PCARE: variants seen among roughly 807,000 people sequenced by gnomAD.
PCARE encodes photoreceptor cilium actin regulator.
A neutral mutation model predicts 82.2 loss-of-function variants in PCARE; 72 were observed. That is an observed-to-expected ratio of 0.88 (90% CI 0.72 to 1.07). The LOEUF is 1.07. Among genes scored for constraint, PCARE ranks in the 50% least tolerant of loss-of-function variants. PCARE has a pLI of 0.00. For missense variants in PCARE, 1,768 were observed against 1,592.4 expected (o/e 1.11, Z -1.88); for synonymous variants, 705 against 634.8 (o/e 1.11, Z -1.66).
At position 29,073,595 on chromosome 2, in the gene PCARE, G is replaced by C. The variant is rs372323929; in HGVS notation, c.667C>G (p.Leu223Val). ...ELLQPMVSFL[L>V]LCFEEISQLL... ...TGGCTGATCTCCTCAAAGCACAGCA[G>C]CAAGAAGCTGACCATGGGCTGCAGC... The change falls in exon 1 of 2, where the codon CTG becomes GTG. Residue 223 changes from leucine to valine, a missense_variant. Physicochemically the swap from Leu to Val is conservative, Grantham distance 32. Coordinates refer to ENST00000331664, the MANE Select transcript of PCARE (RefSeq NM_001029883.3). 191 of 1,614,228 alleles carry C rather than the reference G, an allele frequency of 1.2e-4. No homozygotes were observed. The African/African-American group carries it at 2.4e-3, about 20-fold the overall frequency.
In PCARE at chr2:29,071,450, C is replaced by G. The variant is rs1040502779; in HGVS notation, c.2812G>C (p.Gly938Arg). The part of the protein sequence containing the change: ...PATSQSPEVK[G>R]GTWSQAEKAT... ...TTCTCTGCCTGACTCCAAGTCCCAC[C>G]CTTCACCTCGGGGCTTTGGCTGGTG... The change falls in exon 1 of 2, where the codon GGT becomes CGT. Residue 938 changes from glycine (G) to arginine (R), a missense_variant. Transcript: ENST00000331664. 3.7e-6 allele frequency: 6 copies of G among 1,612,868 alleles called. No individual in the cohort carries two copies. The East Asian group carries it at 1.3e-4, about 36-fold the overall frequency.
intron 1 of PCARE, among the ~76,000 whole-genome samples, chr2:29,068,522 T>G (rs1667423698): frequency 6.6e-6 from 1 of 152,220 alleles, no homozygotes; most frequent in Admixed American, 6.5e-5. Flanking sequence ...TCTTCTCTAA[T>G]AGACCTCAGA....
chr2:29,064,718 C>G lies in PCARE; in HGVS notation c.*151G>C. 1.0e-6 allele frequency: 1 copy of G among 966,826 alleles called. No individual in the cohort carries two copies. The allele number at this position is 966,826 out of a possible 1,614,324, so 59.9% of individuals were successfully genotyped here. A position where few individuals can be genotyped will look rare whatever the true frequency, so the allele number is the denominator to read the frequency against. ...AAAACGGCGATTGTTTAAAATTCAG[C>G]AGACCCACTGGGCAGTGCACCTTCC... is the stretch of plus-strand genomic sequence containing the variant. On this transcript the variant is annotated 3_prime_UTR_variant, in exon 2 of 2. Transcript: ENST00000331664.
Position 29,064,965 on chromosome 2 carries a change from A to G in PCARE, c.3771T>C (p.Cys1257=). The change falls in exon 2 of 2, where the codon TGT becomes TGC. Residue 1257 remains cysteine, a synonymous_variant. Coordinates refer to ENST00000331664, the MANE Select transcript of PCARE (RefSeq NM_001029883.3). The stretch of plus-strand genomic sequence containing the variant: ...CCGGTTGCAGCCCGTGGCCCAGCAC[A>G]CAGAACTCTGGGGGAGATGCACGCC... The part of the protein sequence containing the change: ...GTRRASPPEF[C]VLGHGLQPEP... The G allele has an allele frequency of 6.2e-7, 1 of 1,601,808 alleles. No homozygotes were observed. The highest frequency in any genetic ancestry group is 8.5e-7 in the Non-Finnish European group (1 of 1,174,490).
Position 29,073,046 on chromosome 2 carries a change from A to C in PCARE, c.1216T>G (p.Ser406Ala). Residue 406 changes from serine (S) to alanine (A), a missense_variant, in exon 1 of 2, where the codon TCA becomes GCA. Transcript: ENST00000331664. ...TWQQSPFCLG[S>A]GRPQDCLLSG... ...AGCAGGCAGTCCTGGGGTCTGCCTGAGCCCAAACAGAATGGACTTTGCTGC... is the reference window on the plus strand; with the variant it reads ...AGCAGGCAGTCCTGGGGTCTGCCTGCGCCCAAACAGAATGGACTTTGCTGC... 4.3e-6 allele frequency: 7 copies of C among 1,613,984 alleles called. No homozygotes were observed. Among genetic ancestry groups the C allele is most frequent in the Non-Finnish European group, 5.9e-6 (7 of 1,179,906 alleles).
In PCARE at chr2:29,065,027, TC is replaced by T. The variant is rs756746994; in HGVS notation, c.3708del (p.Ser1237AlafsTer77). 49 of 1,554,788 alleles carry T rather than the reference TC, an allele frequency of 3.2e-5. No individual in the cohort carries two copies. The highest frequency in any genetic ancestry group is 4.0e-5 in the Non-Finnish European group (46 of 1,149,194). On this transcript the variant is annotated frameshift_variant, in exon 2 of 2. Transcript: ENST00000331664. LOFTEE classifies it low-confidence loss of function (END_TRUNC). ...EESPKKDTEP[G>X]SSPCSPELQG... ...TGCAGTTCAGGGGAACAGGGGCTGC[TC>T]CCCGGCTCTGTGTCCTTCTTAGGGC...
rs1363217155 is a variant in PCARE, at chr2:29,074,148, TCTTTCACTTCCGCC to T, written c.100_113del (p.Gly34ArgfsTer8). The T allele has an allele frequency of 6.2e-7, 1 of 1,612,370 alleles. No homozygotes were observed. The highest frequency in any genetic ancestry group is 8.5e-7 in the Non-Finnish European group (1 of 1,178,670). On this transcript the variant is annotated frameshift_variant, in exon 1 of 2. Coordinates refer to ENST00000331664, the MANE Select transcript of PCARE (RefSeq NM_001029883.3). LOFTEE classifies it high-confidence loss of function. Reference sequence around the variant, plus strand: ...TTTTAACCAGCAAAGGGATGGAACCTCTTTCACTTCCGCCCTGACATCCTGGCCGAATTGCTTTG... The same window carrying T: ...TTTTAACCAGCAAAGGGATGGAACCTCTGACATCCTGGCCGAATTGCTTTG...
At chr2:29,069,731 A>G (rs145547507) in intron 1 of PCARE, among the ~76,000 whole-genome samples, 1 of 152,358 alleles carries the variant, frequency 6.6e-6, no homozygotes, top group African/African-American at 2.4e-5. Context: ...ACTTTTTATA[A>G]GAGTATATTA....
In PCARE at chr2:29,074,057, T is replaced by C. The variant is rs1558490642; in HGVS notation, c.205A>G (p.Thr69Ala). The C allele has an allele frequency of 1.6e-5, 26 of 1,614,234 alleles. No homozygotes were observed. The highest frequency in any genetic ancestry group is 2.2e-5 in the Non-Finnish European group (26 of 1,180,032). ...EEQPSPRRNQ[T>A]TAKGLCQLMG... The stretch of plus-strand genomic sequence containing the variant: ...AGCTGACAAAGACCTTTAGCTGTGG[T>C]TTGGTTCCTCCTGGGACTTGGCTGC... The change falls in exon 1 of 2, where the codon ACC becomes GCC. Residue 69 changes from threonine (T) to alanine (A), a missense_variant. Physicochemically the swap from Thr to Ala is moderately conservative, Grantham distance 58. Coordinates refer to ENST00000331664, the MANE Select transcript of PCARE (RefSeq NM_001029883.3).
Position 29,071,337 on chromosome 2 carries a change from G to A in PCARE, c.2925C>T (p.Ser975=), listed in dbSNP as rs765663372. 1.2e-5 allele frequency: 20 copies of A among 1,613,510 alleles called. 1 individual carries two copies. In the South Asian group the frequency reaches 1.5e-4, roughly 12 times the overall value. ...PPSGQNRTSE[S]SLARPRQSRE... ...GGCTCTGCCTTGGTCTGGCCAGGCT[G>A]GACTCTGAGGTCCTGTTTTGTCCAG... The change falls in exon 1 of 2, where the codon TCC becomes TCT. Residue 975 remains serine, a synonymous_variant. Coordinates refer to ENST00000331664, the MANE Select transcript of PCARE (RefSeq NM_001029883.3).
In PCARE at chr2:29,074,324, A is replaced by G; in HGVS notation, c.-63T>C. On this transcript the variant is annotated 5_prime_UTR_variant, in exon 1 of 2. Transcript: ENST00000331664. ...ATTTTCCAAGAATCATATTTGAAATAGGAACAAAAGGCAATCTTACTAGTC... is the reference window on the plus strand; with the variant it reads ...ATTTTCCAAGAATCATATTTGAAATGGGAACAAAAGGCAATCTTACTAGTC... The G allele has an allele frequency of 6.7e-7, 1 of 1,496,578 alleles. No individual in the cohort carries two copies. The highest frequency in any genetic ancestry group is 8.9e-7 in the Non-Finnish European group (1 of 1,122,836). 92.7% of individuals were successfully genotyped at this position (1,496,578 alleles called of 1,614,324 possible).
chr2:29,062,200 G>A lies in PCARE; in HGVS notation c.*2669C>T, dbSNP rs1320293505. On this transcript the variant is annotated 3_prime_UTR_variant, in exon 2 of 2. Transcript: ENST00000331664. The stretch of plus-strand genomic sequence containing the variant: ...CTGACTTGGAATTCCAGTAGCCTAA[G>A]GTTACTGGGCAACACAATGGTGTCA... 6.6e-6 allele frequency: 1 copy of A among 152,172 alleles called. No homozygotes were observed. Among genetic ancestry groups the A allele is most frequent in the South Asian group, 2.1e-4 (1 of 4,818 alleles). The allele number at this position is 152,172 out of a possible 1,614,324, so 9.4% of individuals were successfully genotyped here.
rs139283889 is a variant in PCARE at position 29,065,396 on chromosome 2, A to C, written c.3669-329T>G. Among the ~76,000 whole-genome samples, 120 of 152,320 alleles carry C rather than the reference A, an allele frequency of 7.9e-4. 1 individual carries two copies. The highest frequency in any genetic ancestry group is 2.7e-3 in the African/African-American group (113 of 41,566). ...GGCCTTTATTTTGTTTTTGTTTTTA[A>C]AGCACTTCTTGTTTAATAAGGGTTA... On this transcript the variant is annotated intron_variant, in intron 1 of 1. Coordinates refer to ENST00000331664, the MANE Select transcript of PCARE (RefSeq NM_001029883.3).
chr2:29,073,989 T>G lies in PCARE; in HGVS notation c.273A>C (p.Gly91=), dbSNP rs755632953. ...AAGAGGTTTTGGTTCCTGGGATCAGTCCTTCCATATCTTTCCTTTTGCCTG... is the reference window on the plus strand; with the variant it reads ...AAGAGGTTTTGGTTCCTGGGATCAGGCCTTCCATATCTTTCCTTTTGCCTG... The part of the protein sequence containing the change: ...PASGKRKDME[G]LIPGTKTSSS... Residue 91 remains glycine (G), a synonymous_variant, in exon 1 of 2, where the codon GGA becomes GGC. Transcript: ENST00000331664. The G allele has an allele frequency of 6.8e-6, 11 of 1,614,202 alleles. No individual in the cohort carries two copies. The highest frequency in any genetic ancestry group is 9.3e-6 in the Non-Finnish European group (11 of 1,180,028).
chr2:29,064,842 C>A lies in PCARE; in HGVS notation c.*27G>T, dbSNP rs10182566. ...CACACTTGGCCTTCTGGGGTGACTG[C>A]GTGAGTGTGGCCCCCTCGTCAGCCT... On this transcript the variant is annotated 3_prime_UTR_variant, in exon 2 of 2. Coordinates refer to ENST00000331664, the MANE Select transcript of PCARE (RefSeq NM_001029883.3). The A allele has an allele frequency of 1.2e-6, 2 of 1,607,888 alleles. No homozygotes were observed. The highest frequency in any genetic ancestry group is 1.7e-6 in the Non-Finnish European group (2 of 1,179,628).
At chr2:29,066,724 G>A (rs574767395) in intron 1 of PCARE, among the ~76,000 whole-genome samples, 1 of 152,328 alleles carries the variant, frequency 6.6e-6, no homozygotes, top group South Asian at 2.1e-4. Context: ...GTTGGCCTCC[G>A]GCCCCATCAC....
Position 29,072,093 on chromosome 2 carries a change from T to C in PCARE, c.2169A>G (p.Arg723=). 6.2e-7 allele frequency: 1 copy of C among 1,614,252 alleles called. No homozygotes were observed. Among genetic ancestry groups the C allele is most frequent in the Non-Finnish European group, 8.5e-7 (1 of 1,180,052 alleles). Residue 723 remains arginine, a synonymous_variant, in exon 1 of 2, where the codon AGA becomes AGG. Transcript: ENST00000331664. ...TGACGGATGTTCTGGTGGGACAGCC[T>C]CTGACATTCCAGTCTGTGGCCTTGG... is the stretch of plus-strand genomic sequence containing the variant. The part of the protein sequence containing the change: ...EAAKATDWNV[R]GCPTRTSVKK...
intron 1 of PCARE, among the ~76,000 whole-genome samples, chr2:29,065,374 CT>C (rs1304165979): frequency 2.0e-5 from 3 of 152,220 alleles, no homozygotes; most frequent in Non-Finnish European, 2.9e-5. Context: ...GGAGCTGGGC[CT>C]TTATTTTGTT....
intron 1 of PCARE, among the ~76,000 whole-genome samples, chr2:29,066,797 G>A (rs1441626029): frequency 6.6e-6 from 1 of 152,250 alleles, no homozygotes; most frequent in Non-Finnish European, 1.5e-5. Context: ...GACTGAGTAA[G>A]GGCGGCAGAG....
Sources: allele counts gnomAD v4.1 joint callset (sites outside exome capture counted in the v4.1 genomes callset), GRCh38; gene constraint gnomAD v4.1.1; transcripts MANE v1.5; gene names NCBI Gene and HGNC (gene_info 2026-07-23, HGNC 2026-07-21).